PRKN: variants seen among roughly 807,000 people sequenced by gnomAD.
PRKN encodes the protein parkin RBR E3 ubiquitin protein ligase, also known as E3 ubiquitin-protein ligase parkin.
In PRKN, 56 loss-of-function variants were observed where a neutral mutation model predicts 59.5. That is an observed-to-expected ratio of 0.94 (90% CI 0.76 to 1.18). The LOEUF is 1.18. Among genes scored for constraint, PRKN ranks in the 50% most tolerant of loss-of-function variants. PRKN has a pLI of 0.00. For synonymous variants in PRKN, 250 were observed against 222.1 expected, an observed-to-expected ratio of 1.13 and a Z score of -1.12; for missense variants, 657 against 596.4, an observed-to-expected ratio of 1.10 and a Z score of -1.06.
chr6:162,055,778 C>A (rs987484158), intron 4 of PRKN, among the ~76,000 whole-genome samples: 3 of 152,112 alleles, frequency 2.0e-5, no homozygotes, highest in Admixed American at 2.0e-4. Context: ...TCGGTCATCA[C>A]AAGGCCCATC....
chr6:162,109,084 A>T (rs1311906292), intron 4 of PRKN, among the ~76,000 whole-genome samples: 2 of 152,144 alleles, frequency 1.3e-5, no homozygotes, highest in Non-Finnish European at 2.9e-5. Flanking sequence ...TTTCTAGAAA[A>T]GGGTCACCAA....
At chr6:162,476,326 C>T (rs957435567) in intron 1 of PRKN, among the ~76,000 whole-genome samples, 42 of 152,078 alleles carry the variant, frequency 2.8e-4, no homozygotes, top group Non-Finnish European at 5.9e-4. Context: ...CCCGCCTCGG[C>T]CTCCCAAAGT....
At chr6:161,743,223 T>C (rs1231756791) in intron 7 of PRKN, among the ~76,000 whole-genome samples, 7 of 114,186 alleles carry the variant, frequency 6.1e-5, no homozygotes, top group African/African-American at 2.6e-4. Flanking sequence ...CTTTTTTTTT[T>C]TTTTTTTTTT....
rs547276097 is a variant in PRKN at position 161,488,353 on chromosome 6, T to C, written c.1083+60501A>G. On this transcript the variant is annotated intron_variant, in intron 9 of 11. Transcript: ENST00000366898. This position sits in a 1 kb window ranked among gnomAD's most constrained non-coding sequence, Gnocchi z 4.5. ...CCAGGTCACATAGGTCTTTGTAGTGTGAGAAGAACTCCAAATTTTATTCTC... is the reference window on the plus strand; with the variant it reads ...CCAGGTCACATAGGTCTTTGTAGTGCGAGAAGAACTCCAAATTTTATTCTC... 6.6e-6 allele frequency among the ~76,000 whole-genome samples: 1 copy of C among 152,294 alleles called. No homozygotes were observed. Among genetic ancestry groups the C allele is most frequent in the East Asian group, 1.9e-4 (1 of 5,180 alleles).
At chr6:162,059,224 G>C (rs978091592) in intron 4 of PRKN, among the ~76,000 whole-genome samples, 9 of 152,152 alleles carry the variant, frequency 5.9e-5, no homozygotes, top group African/African-American at 2.2e-4. Flanking sequence ...AGACATTATA[G>C]AAAACTCATT....
At chr6:162,353,980 ATAT>A (rs1784734690) in intron 2 of PRKN, among the ~76,000 whole-genome samples, 2 of 152,144 alleles carry the variant, frequency 1.3e-5, no homozygotes, top group South Asian at 4.1e-4. Flanking sequence ...GATTGCAGTT[ATAT>A]TATTATTTTA....
chr6:162,218,369 G>A (rs1777790755), intron 3 of PRKN, among the ~76,000 whole-genome samples: 1 of 152,062 alleles, frequency 6.6e-6, no homozygotes, highest in Non-Finnish European at 1.5e-5. Context: ...TCGTTCACTA[G>A]GTGTGGGAAG....
intron 7 of PRKN, among the ~76,000 whole-genome samples, chr6:161,631,689 T>C (rs115554008): frequency 6.6e-6 from 1 of 152,150 alleles, no homozygotes; most frequent in Admixed American, 6.5e-5. Context: ...TTGCTATCTG[T>C]AGTTAGAGGA....
chr6:162,004,035 C>T lies in PRKN; in HGVS notation c.619-30618G>A, dbSNP rs141127314. Among the ~76,000 whole-genome samples, 1,005 of 152,252 alleles carry T rather than the reference C, an allele frequency of 6.6e-3. 12 individuals are homozygous for T. Among genetic ancestry groups the T allele is most frequent in the African/African-American group, 0.022 (925 of 41,558 alleles). ...TCACACAGATAAATTAGGAGTTGATCTGAAAAAGCTGGGATTTGGTTTGGA... is the reference window on the plus strand; with the variant it reads ...TCACACAGATAAATTAGGAGTTGATTTGAAAAAGCTGGGATTTGGTTTGGA... On this transcript the variant is annotated intron_variant, in intron 5 of 11. Coordinates refer to ENST00000366898, the MANE Select transcript of PRKN (RefSeq NM_004562.3).
chr6:162,088,763 G>A (rs560252796), intron 4 of PRKN, among the ~76,000 whole-genome samples: 1 of 152,242 alleles, frequency 6.6e-6, no homozygotes, highest in South Asian at 2.1e-4. Flanking sequence ...AGGTCCAGGG[G>A]ATACCTTGGT....
chr6:161,375,894 C>T (rs937739663), intron 10 of PRKN, among the ~76,000 whole-genome samples: 3 of 152,164 alleles, frequency 2.0e-5, no homozygotes, highest in African/African-American at 7.2e-5. Flanking sequence ...GGCGGCGGGT[C>T]CAGGGTCATG....
chr6:161,891,387 T>G (rs1795337973), intron 6 of PRKN, among the ~76,000 whole-genome samples: 2 of 152,224 alleles, frequency 1.3e-5, no homozygotes, highest in African/African-American at 4.8e-5. Flanking sequence ...AGGTTGAAGC[T>G]GAGATGCCAG....
chr6:161,636,427 C>G (rs957516319), intron 7 of PRKN, among the ~76,000 whole-genome samples: 1 of 152,218 alleles, frequency 6.6e-6, no homozygotes, highest in African/African-American at 2.4e-5. Context: ...GGATATAATC[C>G]CCTGTCTTTC....
chr6:161,752,586 A>G (rs1788742872), intron 7 of PRKN, among the ~76,000 whole-genome samples: 1 of 152,042 alleles, frequency 6.6e-6, no homozygotes, highest in Non-Finnish European at 1.5e-5. Flanking sequence ...CCAGATACTC[A>G]GGAGGCTGAG....
At position 161,488,096 on chromosome 6, in the gene PRKN, CA is replaced by C. The variant is rs1211016458; in HGVS notation, c.1083+60757del. Among the ~76,000 whole-genome samples, 1 of 152,124 alleles carries C rather than the reference CA, an allele frequency of 6.6e-6. No homozygotes were observed. Among genetic ancestry groups the C allele is most frequent in the East Asian group, 1.9e-4 (1 of 5,194 alleles). ...GGCTGGCTTACAGGGTGAGATCGTG[CA>C]GTGGTTGGGGAAGGCATGGTCTAAG... On this transcript the variant is annotated intron_variant, in intron 9 of 11. Coordinates refer to ENST00000366898, the MANE Select transcript of PRKN (RefSeq NM_004562.3). This position sits in a 1 kb window ranked among gnomAD's most constrained non-coding sequence, Gnocchi z 4.5.
chr6:162,401,173 T>G (rs1316168615), intron 2 of PRKN, among the ~76,000 whole-genome samples: 2 of 151,444 alleles, frequency 1.3e-5, no homozygotes, highest in African/African-American at 4.8e-5. Context: ...ATTAAATATA[T>G]ATAAACAACA....
intron 2 of PRKN, among the ~76,000 whole-genome samples, chr6:162,305,693 AG>A (rs1219523140): frequency 6.6e-6 from 1 of 152,154 alleles, no homozygotes; most frequent in African/African-American, 2.4e-5. Context: ...TCTGACTTCT[AG>A]TGTCTCTGTG....
At chr6:162,711,578 A>G (rs1778539931) in intron 1 of PRKN, among the ~76,000 whole-genome samples, 1 of 152,096 alleles carries the variant, frequency 6.6e-6, no homozygotes, top group Admixed American at 6.5e-5. Context: ...TGACATACAA[A>G]TTCATAGGCT....
In PRKN at chr6:162,021,467, T is replaced by A. The variant is rs1219477963; in HGVS notation, c.618+32624A>T. Among the ~76,000 whole-genome samples the A allele has an allele frequency of 2.7e-3, 221 of 80,532 alleles. 1 individual carries two copies. Among genetic ancestry groups the A allele is most frequent in the African/African-American group, 9.9e-3 (163 of 16,386 alleles). 52.8% of individuals were successfully genotyped at this position (80,532 alleles called of 152,430 possible). A position where few individuals can be genotyped will look rare whatever the true frequency, so the allele number is the denominator to read the frequency against. ...TATATATATATATATATATATTTTT[T>A]TTTTTTTTTTCCTTAAGCTCTTTTT... On this transcript the variant is annotated intron_variant, in intron 5 of 11. Transcript: ENST00000366898.
Sources: gnomAD v4.1 joint callset for allele counts (sites outside exome capture counted in the v4.1 genomes callset) on GRCh38, gnomAD v4.1.1 for gene constraint, Gnocchi (gnomAD v3.1) non-coding constraint, MANE v1.5 for transcripts, NCBI Gene and HGNC (gene_info 2026-07-23, HGNC 2026-07-21) for gene names.